The following TOP6BL variants were observed in gnomAD, a reference collection of about 807,000 sequenced individuals.
The protein encoded by TOP6BL is type 2 DNA topoisomerase 6 subunit B-like.
the TOP6BL span, among the ~76,000 whole-genome samples, chr11:66,793,456 T>G: frequency 1.4e-5 from 2 of 147,670 alleles, no homozygotes; most frequent in African/African-American, 5.0e-5. Flanking sequence ...TTTTTTTTTT[T>G]TTTTTTTTAG....
chr11:66,796,821 A>G, the TOP6BL span, among the ~76,000 whole-genome samples: 2 of 150,806 alleles, frequency 1.3e-5, no homozygotes, highest in East Asian at 1.9e-4. Flanking sequence ...TCAACTTTCA[A>G]TATTGAATTG....
the TOP6BL span, among the ~76,000 whole-genome samples, chr11:66,797,002 CTTT>C: frequency 2.2e-5 from 3 of 136,364 alleles, no homozygotes; most frequent in Non-Finnish European, 1.6e-5. Context: ...CCAAGGCAAT[CTTT>C]TTTTTTTTTT....
chr11:66,843,357 C>CGGCCG, the TOP6BL span: 2 of 1,455,368 alleles, frequency 1.4e-6, no homozygotes, highest in South Asian at 2.8e-5. Flanking sequence ...GCGTCGGGCC[C>CGGCCG]GGGCGGGGCG....
the TOP6BL span, among the ~76,000 whole-genome samples, chr11:66,773,245 G>A: frequency 1.3e-5 from 2 of 151,820 alleles, no homozygotes; most frequent in African/African-American, 4.8e-5. Flanking sequence ...GTAGAGACAG[G>A]GTCTCACTGT....
chr11:66,778,880 T>C, the TOP6BL span, among the ~76,000 whole-genome samples: 14 of 152,198 alleles, frequency 9.2e-5, no homozygotes, highest in African/African-American at 3.4e-4. Flanking sequence ...CTATCTGATC[T>C]TTGACAGACC....
chr11:66,767,534 T>G, the TOP6BL span, among the ~76,000 whole-genome samples: 1 of 152,240 alleles, frequency 6.6e-6, no homozygotes, highest in African/African-American at 2.4e-5. Flanking sequence ...TTAAAATAGC[T>G]TCTCATTTCC....
chr11:66,823,829 G>C, the TOP6BL span, among the ~76,000 whole-genome samples: 1 of 151,668 alleles, frequency 6.6e-6, no homozygotes, highest in Admixed American at 6.6e-5. Context: ...AAAAGAATAA[G>C]AAAAAAAGAA....
At chr11:66,800,576 T>C in the TOP6BL span, 1 of 1,261,978 alleles carries the variant, frequency 7.9e-7, no homozygotes, top group South Asian at 1.4e-5. Flanking sequence ...AGGGATTAGA[T>C]ATGGAAGTTT....
chr11:66,785,441 G>A, the TOP6BL span, among the ~76,000 whole-genome samples: 5 of 151,872 alleles, frequency 3.3e-5, no homozygotes, highest in Admixed American at 2.6e-4. Context: ...GTGTATTATC[G>A]TTTTCATGGT....
chr11:66,788,384 A>C, the TOP6BL span: 1 of 790,048 alleles, frequency 1.3e-6, no homozygotes, highest in Non-Finnish European at 2.0e-6. Flanking sequence ...GAATGAAATA[A>C]GGCAATGGTT....
chr11:66,800,644 A>T, the TOP6BL span: 1 of 1,600,596 alleles, frequency 6.2e-7, no homozygotes, highest in Non-Finnish European at 8.5e-7. Flanking sequence ...TTTGCAGGTC[A>T]GATTTCATTT....
At chr11:66,812,633 C>T in the TOP6BL span, among the ~76,000 whole-genome samples, 3 of 152,248 alleles carry the variant, frequency 2.0e-5, no homozygotes, top group South Asian at 6.2e-4. Context: ...TTAATCTTCA[C>T]AATACCTTGT....
At chr11:66,804,132 C>T in the TOP6BL span, 1 of 1,613,968 alleles carries the variant, frequency 6.2e-7, no homozygotes, top group African/African-American at 1.3e-5. Flanking sequence ...CCAGCAGCTG[C>T]ACTGTGCCCC....
chr11:66,775,218 C>T, the TOP6BL span, among the ~76,000 whole-genome samples: 1 of 150,600 alleles, frequency 6.6e-6, no homozygotes, highest in East Asian at 1.9e-4. Context: ...ACATTTTTAG[C>T]ATTGTTTTTG....
At chr11:66,797,595 C>T in the TOP6BL span, among the ~76,000 whole-genome samples, 3 of 151,988 alleles carry the variant, frequency 2.0e-5, no homozygotes, top group African/African-American at 7.3e-5. Context: ...GCCTCTACCT[C>T]CAAGGTTCAA....
chr11:66,786,510 T>C, the TOP6BL span, among the ~76,000 whole-genome samples: 1 of 152,194 alleles, frequency 6.6e-6, no homozygotes, highest in African/African-American at 2.4e-5. Context: ...TGTATGTTTG[T>C]GTGTGTGGAG....
the TOP6BL span, among the ~76,000 whole-genome samples, chr11:66,749,936 T>C: frequency 3.3e-5 from 5 of 152,124 alleles, no homozygotes; most frequent in Admixed American, 2.0e-4. Flanking sequence ...ATAAAAAACA[T>C]TACAGAAACA....
At chr11:66,838,823 C>G in the TOP6BL span, among the ~76,000 whole-genome samples, 1 of 152,170 alleles carries the variant, frequency 6.6e-6, no homozygotes, top group Non-Finnish European at 1.5e-5. Flanking sequence ...GCTCCGCCTC[C>G]CGGGTTCACA....
At chr11:66,838,998 T>G in the TOP6BL span, 8 of 384,620 alleles carry the variant, frequency 2.1e-5, no homozygotes, top group Non-Finnish European at 4.2e-5. Flanking sequence ...CCCAAAGTGC[T>G]GGGATTACAG....
Sources: allele counts gnomAD v4.1 joint callset (sites outside exome capture counted in the v4.1 genomes callset), GRCh38; gene constraint gnomAD v4.1.1; transcripts MANE v1.5; gene names NCBI Gene and HGNC (gene_info 2026-07-23, HGNC 2026-07-21).